The following CPA6 variants were observed in gnomAD, a reference collection of about 807,000 sequenced individuals.
CPA6 encodes carboxypeptidase A6, also known as carboxypeptidase B.
Under a neutral mutation model 63.3 loss-of-function variants are expected in CPA6, and 58 were observed. The ratio of observed to expected loss-of-function variants is 0.92; its 90% CI spans 0.74 to 1.14. The LOEUF (loss-of-function observed/expected upper bound fraction) is 1.14, where lower values mean the gene tolerates loss of function less well. CPA6 is among the 50% of genes most tolerant of loss of function. CPA6 has a pLI of 0.00. For synonymous variants in CPA6, 185 were observed against 179.0 expected, an observed-to-expected ratio of 1.03 and a Z score of -0.27; for missense variants, 565 against 526.6, an observed-to-expected ratio of 1.07 and a Z score of -0.71.
intron 1 of CPA6, among the ~76,000 whole-genome samples, chr8:67,667,925 T>C (rs903463854): frequency 5.9e-5 from 9 of 152,182 alleles, no homozygotes; most frequent in African/African-American, 1.9e-4. Flanking sequence ...AAAAGCGAGC[T>C]TCTCAAATGC....
chr8:67,492,637 C>T (rs956808796), intron 6 of CPA6, among the ~76,000 whole-genome samples: 7 of 152,074 alleles, frequency 4.6e-5, no homozygotes, highest in Non-Finnish European at 8.8e-5. Context: ...CTTAGGATCA[C>T]GGAACAAACA....
intron 1 of CPA6, among the ~76,000 whole-genome samples, chr8:67,716,158 A>C (rs1817376395): frequency 4.0e-5 from 5 of 125,720 alleles, no homozygotes; most frequent in African/African-American, 1.4e-4. Flanking sequence ...TCTCAAAAAA[A>C]AAAAAAAAAA....
intron 2 of CPA6, among the ~76,000 whole-genome samples, chr8:67,609,505 G>C (rs1814747898): frequency 6.6e-6 from 1 of 152,092 alleles, no homozygotes; most frequent in South Asian, 2.1e-4. Context: ...AGTCAACGTT[G>C]AATATATATC....
At chr8:67,679,947 G>C (rs2114051) in intron 1 of CPA6, among the ~76,000 whole-genome samples, 48,186 of 152,012 alleles carry the variant, frequency 0.32, 7,840 homozygotes, top group South Asian at 0.37. Flanking sequence ...TAGGAGCTGT[G>C]TATCGTTTTT....
rs1817744447 is a variant in CPA6, at chr8:67,733,209, A to T, written c.116+12805T>A. On this transcript the variant is annotated intron_variant, in intron 1 of 10. Transcript: ENST00000297770. ...GAGACTCCATCTCAAAAAAAAAAAA[A>T]AAAAAAAAAAAAAAATAAAAAAATT... 9.3e-5 allele frequency among the ~76,000 whole-genome samples: 12 copies of T among 129,038 alleles called. No homozygotes were observed. In the South Asian group the frequency reaches 9.5e-4, roughly 10 times the overall value. 84.7% of individuals were successfully genotyped at this position (129,038 alleles called of 152,430 possible).
chr8:67,646,903 G>C (rs189608408), intron 1 of CPA6, among the ~76,000 whole-genome samples: 127 of 152,280 alleles, frequency 8.3e-4, no homozygotes, highest in Middle Eastern at 6.8e-3. Context: ...AGGGAGGCAG[G>C]CCCTATAGGA....
intron 2 of CPA6, among the ~76,000 whole-genome samples, chr8:67,544,648 G>A (rs921503722): frequency 2.6e-5 from 4 of 152,078 alleles, no homozygotes; most frequent in African/African-American, 9.7e-5. Flanking sequence ...GCTGCTTTAC[G>A]CTTTGCTAAA....
intron 2 of CPA6, among the ~76,000 whole-genome samples, chr8:67,589,857 T>C (rs1236882345): frequency 1.3e-5 from 2 of 151,922 alleles, no homozygotes; most frequent in African/African-American, 4.8e-5. Flanking sequence ...TTTGTGTGTG[T>C]ACTCTGTGTA....
intron 1 of CPA6, among the ~76,000 whole-genome samples, chr8:67,724,084 A>G (rs1817552991): frequency 6.6e-6 from 1 of 152,186 alleles, no homozygotes; most frequent in Admixed American, 6.5e-5. Flanking sequence ...AAAAATTTAA[A>G]AAAACCCAAA....
At chr8:67,486,547 G>A (rs933842984) in intron 6 of CPA6, among the ~76,000 whole-genome samples, 3 of 152,160 alleles carry the variant, frequency 2.0e-5, no homozygotes, top group Non-Finnish European at 4.4e-5. Flanking sequence ...TCGTTTTCAA[G>A]CAATGCATGA....
In CPA6 at chr8:67,529,070, T is replaced by C. The variant is rs545782287; in HGVS notation, c.193-11023A>G. On this transcript the variant is annotated intron_variant, in intron 2 of 10. Transcript: ENST00000297770. Reference sequence around the variant, plus strand: ...GACCCTACAAGAGCATGCTCATGATTTGGAGAGTTGTAAGTACAGAAGTTC... The same window carrying C: ...GACCCTACAAGAGCATGCTCATGATCTGGAGAGTTGTAAGTACAGAAGTTC... Among the ~76,000 whole-genome samples the C allele has an allele frequency of 2.6e-5, 4 of 152,050 alleles. 1 individual carries two copies. In the South Asian group the frequency reaches 8.3e-4, roughly 32 times the overall value.
chr8:67,496,549 A>ATATG (rs1299923488), intron 6 of CPA6, among the ~76,000 whole-genome samples: 4 of 128,822 alleles, frequency 3.1e-5, no homozygotes, highest in Non-Finnish European at 6.2e-5. Context: ...ATATATATAT[A>ATATG]TATATATATT....
At chr8:67,661,034 A>G (rs955838890) in intron 1 of CPA6, among the ~76,000 whole-genome samples, 1 of 152,210 alleles carries the variant, frequency 6.6e-6, no homozygotes, top group South Asian at 2.1e-4. Context: ...CCCTTTAGTC[A>G]TTTATTCAAG....
rs116925644 is a variant in CPA6, at chr8:67,589,476, A to T, written c.192+34700T>A. ...AAATCAGATCTTATGAACCTCTGAA[A>T]GAAGCTGACTAGATGATCAGGGTTG... is the stretch of plus-strand genomic sequence containing the variant. On this transcript the variant is annotated intron_variant, in intron 2 of 10. Transcript: ENST00000297770. Among the ~76,000 whole-genome samples, 104 of 152,344 alleles carry T rather than the reference A, an allele frequency of 6.8e-4. 2 individuals are homozygous for T. The East Asian group carries it at 0.019, about 28-fold the overall frequency.
intron 1 of CPA6, among the ~76,000 whole-genome samples, chr8:67,673,476 C>T (rs1238233378): frequency 4.6e-5 from 7 of 150,710 alleles, no homozygotes; most frequent in Admixed American, 1.3e-4. Flanking sequence ...CTCCGCCTCC[C>T]GGGTTCATGC....
chr8:67,657,522 AACCCATCTTC>A (rs1816014212), intron 1 of CPA6, among the ~76,000 whole-genome samples: 1 of 152,186 alleles, frequency 6.6e-6, no homozygotes, highest in African/African-American at 2.4e-5. Context: ...TAAATTGTTC[AACCCATCTTC>A]CTTGCTAAGG....
At chr8:67,602,561 A>G (rs1814523118) in intron 2 of CPA6, among the ~76,000 whole-genome samples, 1 of 152,218 alleles carries the variant, frequency 6.6e-6, no homozygotes, top group African/African-American at 2.4e-5. Flanking sequence ...CCCTTAAAAT[A>G]GAAACAAAAG....
At chr8:67,505,722 T>G (rs1007203164) in intron 6 of CPA6, among the ~76,000 whole-genome samples, 3 of 152,186 alleles carry the variant, frequency 2.0e-5, no homozygotes, top group Non-Finnish European at 4.4e-5. Flanking sequence ...TTAAGCATAC[T>G]TTTGTGGTTT....
intron 1 of CPA6, among the ~76,000 whole-genome samples, chr8:67,680,894 C>A (rs987115915): frequency 3.3e-5 from 5 of 152,116 alleles, no homozygotes; most frequent in African/African-American, 1.2e-4. Context: ...CTTTTGTATG[C>A]TAATTTGGTG....
Sources: gnomAD v4.1 joint callset for allele counts (sites outside exome capture counted in the v4.1 genomes callset) on GRCh38, gnomAD v4.1.1 for gene constraint, MANE v1.5 for transcripts, NCBI Gene and HGNC (gene_info 2026-07-23, HGNC 2026-07-21) for gene names.